CLUH: variants seen among roughly 807,000 people sequenced by gnomAD.
CLUH encodes clustered mitochondria protein homolog.
A neutral mutation model predicts 139.3 loss-of-function variants in CLUH; 77 were observed. The observed-to-expected ratio is 0.55, with a 90% CI of 0.46 to 0.67. CLUH has a LOEUF of 0.67. Ranked by LOEUF, CLUH falls within the 30% of genes least tolerant of loss-of-function variation. The pLI, the probability that CLUH is intolerant of heterozygous loss-of-function variation, is 0.00. For synonymous variants in CLUH, 999 were observed against 801.6 expected (o/e 1.25, Z -4.16); for missense variants, 1,876 against 1,875.8 (o/e 1.00, Z 0.00).
At chr17:2,701,015 C>A in intron 7 of CLUH, 125 bp downstream of exon 7, 2 of 1,521,046 alleles carry the variant, frequency 1.3e-6, no homozygotes, top group Middle Eastern at 2.2e-4. Context: ...CTCCCTAGAG[C>A]GGGGACTCCA....
At position 2,696,699 on chromosome 17, in the gene CLUH, G is replaced by T; in HGVS notation, c.2185+20C>A. 1 of 1,609,628 alleles carries T rather than the reference G, an allele frequency of 6.2e-7. No homozygotes were observed. On this transcript the variant is annotated intron_variant, in intron 11 of 25. Coordinates refer to ENST00000651024, the MANE Select transcript of CLUH (RefSeq NM_001366661.1). ...CAGGGCCAGCCCGGGCTCTCTCCCG[G>T]CCATCTGCAGCAGCCCCACCTGTGC...
In CLUH at chr17:2,695,315, C is replaced by A. The variant is rs375961547; in HGVS notation, c.2545-35G>T. 23 of 1,613,448 alleles carry A rather than the reference C, an allele frequency of 1.4e-5. No homozygotes were observed. In the African/African-American group the frequency reaches 2.9e-4, roughly 21 times the overall value. On this transcript the variant is annotated intron_variant, in intron 14 of 25. Transcript: ENST00000651024. ...TTCAGAAGGGAGGTCTTGGTCAGGC[C>A]CCCGGCCTCCATCCCAGTCCCACAG... is the stretch of plus-strand genomic sequence containing the variant.
intron 10 of CLUH, 70 bp downstream of exon 10, chr17:2,697,826 C>T (rs910159461): frequency 1.4e-5 from 20 of 1,383,560 alleles, no homozygotes; most frequent in Non-Finnish European, 1.7e-5. Flanking sequence ...GACCCAACCC[C>T]GGATCCACCC....
In CLUH at chr17:2,701,350, G is replaced by A. The variant is rs371261260; in HGVS notation, c.899+16C>T. On this transcript the variant is annotated intron_variant, in intron 6 of 25. Transcript: ENST00000651024. The stretch of plus-strand genomic sequence containing the variant: ...CTGGCACGGCAGGGGGGTGTGGTGG[G>A]CTGGCAGGGACTCACTGATTCAGGT... The A allele has an allele frequency of 3.1e-5, 49 of 1,605,204 alleles. No individual in the cohort carries two copies. The African/African-American group carries it at 6.6e-4, about 21-fold the overall frequency.
intron 1 of CLUH, chr17:2,711,305 G>T (rs2070514298): frequency 6.6e-6 from 1 of 152,276 alleles, no homozygotes; most frequent in Admixed American, 6.5e-5. Context: ...ACGTGTCCCC[G>T]CGATGAGGCG....
rs752867461 is a variant in CLUH, at chr17:2,696,821, G to A, written c.2083C>T (p.Pro695Ser). 2 of 1,613,560 alleles carry A rather than the reference G, an allele frequency of 1.2e-6. No homozygotes were observed. The highest frequency in any genetic ancestry group is 1.3e-5 in the African/African-American group (1 of 75,066). Reference sequence around the variant, plus strand: ...TCACTTCCCGCCTCCTGTCCTGGAGGATCCTCAGACTTGGACTCCAAGGAG... The same window carrying A: ...TCACTTCCCGCCTCCTGTCCTGGAGAATCCTCAGACTTGGACTCCAAGGAG... ...PSSLESKSED[P>S]PGQEAGSEEE... is the part of the protein sequence containing the mutation. The change falls in exon 11 of 26, where the codon CCT (proline) becomes TCT (serine). Residue 695 changes from proline (P) to serine (S), a missense_variant. Coordinates refer to ENST00000651024, the MANE Select transcript of CLUH (RefSeq NM_001366661.1).
rs2070298452 is a variant in CLUH at position 2,704,700 on chromosome 17, C to A, written c.101-136G>T. ...CGAGAGTCCCAGCCTCACGGTCGCG[C>A]CTCGCCCTCCGTGCACCTGCAGGCC... is the stretch of plus-strand genomic sequence containing the variant. On this transcript the variant is annotated intron_variant, in intron 1 of 25. Transcript: ENST00000651024. This position sits in a 1 kb window ranked among gnomAD's most constrained non-coding sequence, Gnocchi z 5.7. 1 of 841,580 alleles carries A rather than the reference C, an allele frequency of 1.2e-6. No homozygotes were observed. Among genetic ancestry groups the A allele is most frequent in the South Asian group, 1.8e-5 (1 of 56,628 alleles). The allele number at this position is 841,580 out of a possible 1,614,324, so 52.1% of individuals were successfully genotyped here.
Position 2,690,777 on chromosome 17 carries a change from G to A in CLUH, c.3864C>T (p.Ser1288=). 6.6e-7 allele frequency: 1 copy of A among 1,505,954 alleles called. No individual in the cohort carries two copies. Among genetic ancestry groups the A allele is most frequent in the Admixed American group, 2.4e-5 (1 of 41,866 alleles). 93.3% of individuals were successfully genotyped at this position (1,505,954 alleles called of 1,614,324 possible). The change falls in exon 26 of 26, where the codon AGC becomes AGT. Residue 1288 remains serine (S), a splice_region_variant and synonymous_variant. Coordinates refer to ENST00000651024, the MANE Select transcript of CLUH (RefSeq NM_001366661.1). ...CTTTCAGATTCTCCAGGTCTTTTTG[G>A]CTGAGGATAAGGGTGGGGATGGAGG... ...VINGILFIPL[S]QKDLENLKAE... is the part of the protein sequence containing the mutation.
rs1266728772 is a variant in CLUH, at chr17:2,692,760, G to A, written c.3312+20C>T. On this transcript the variant is annotated intron_variant, in intron 20 of 25. Transcript: ENST00000651024. ...CCCAGCCCCTCGCATCCCCCGGCGCGGGCGGCACTCGCGACTCACGTATTC... is the reference window on the plus strand; with the variant it reads ...CCCAGCCCCTCGCATCCCCCGGCGCAGGCGGCACTCGCGACTCACGTATTC... 4.4e-6 allele frequency: 7 copies of A among 1,599,748 alleles called. No individual in the cohort carries two copies. The highest frequency in any genetic ancestry group is 3.4e-5 in the Admixed American group (2 of 59,258).
Position 2,691,805 on chromosome 17 carries a change from C to T in CLUH, c.3745G>A (p.Glu1249Lys), listed in dbSNP as rs2069650390. 1 of 1,584,080 alleles carries T rather than the reference C, an allele frequency of 6.3e-7. No individual in the cohort carries two copies. Among genetic ancestry groups the T allele is most frequent in the Non-Finnish European group, 8.6e-7 (1 of 1,165,916 alleles). Reference protein sequence around the residue: ...QAVALQRTMNEIYRNGSSANI... With the variant: ...QAVALQRTMNKIYRNGSSANI... ...GCGCTGGAGCCGTTGCGGTAGATCTCGTTCATGGTGCGCTGCAGGGCCACG... is the reference window on the plus strand; with the variant it reads ...GCGCTGGAGCCGTTGCGGTAGATCTTGTTCATGGTGCGCTGCAGGGCCACG... The change falls in exon 24 of 26, where the codon GAG becomes AAG. Residue 1249 changes from glutamate to lysine, a missense_variant. Physicochemically the swap from Glu to Lys is moderately conservative, Grantham distance 56 (BLOSUM62 1). This residue lies in a region of CLUH where 1,454 missense variants were observed against 1,384.4 expected (regional missense o/e 1.05). Transcript: ENST00000651024.
At chr17:2,690,798 G>A in intron 25 of CLUH, 21 bp from the exon 26 acceptor site, 1 of 1,468,384 alleles carries the variant, frequency 6.8e-7, no homozygotes, top group Non-Finnish European at 8.9e-7. Flanking sequence ...GGGTGGGGAT[G>A]GAGGTGGCTC....
chr17:2,694,576 G>T lies in CLUH; in HGVS notation c.2853-12C>A. ...GGTCCACGGTCTCACTGAGGAGGGA[G>T]CAGGGGGCCTGAGCAGCCCAAGCAC... On this transcript the variant is annotated splice_polypyrimidine_tract_variant and intron_variant, in intron 16 of 25. Coordinates refer to ENST00000651024, the MANE Select transcript of CLUH (RefSeq NM_001366661.1). 1 of 1,565,860 alleles carries T rather than the reference G, an allele frequency of 6.4e-7. No homozygotes were observed. The highest frequency in any genetic ancestry group is 1.2e-5 in the South Asian group (1 of 85,016).
At position 2,694,837 on chromosome 17, in the gene CLUH, C is replaced by CCCCCCCA; in HGVS notation, c.2852+19_2852+20insTGGGGGG. 1 of 1,467,110 alleles carries CCCCCCCA rather than the reference C, an allele frequency of 6.8e-7. No homozygotes were observed. The highest frequency in any genetic ancestry group is 9.1e-7 in the Non-Finnish European group (1 of 1,103,722). The allele number at this position is 1,467,110 out of a possible 1,614,324, so 90.9% of individuals were successfully genotyped here. A position where few individuals can be genotyped will look rare whatever the true frequency, so the allele number is the denominator to read the frequency against. On this transcript the variant is annotated intron_variant, in intron 16 of 25. Coordinates refer to ENST00000651024, the MANE Select transcript of CLUH (RefSeq NM_001366661.1). ...ATCTGCCCAATCCCACCCACCCCAC[C>CCCCCCCA]GCCCCTGCCCCGCACGCACCACTCG...
In CLUH at chr17:2,696,191, C is replaced by T. The variant is rs953092769; in HGVS notation, c.2359G>A (p.Ala787Thr). The T allele has an allele frequency of 6.4e-7, 1 of 1,570,460 alleles. No individual in the cohort carries two copies. Among genetic ancestry groups the T allele is most frequent in the Admixed American group, 1.9e-5 (1 of 53,462 alleles). ...GGGATCTGGCAGGAGAGCAGGAAGG[C>T]AGCCGCGTCCTTCAGCAGCTGCTTC... ...DQKQLLKDAA[A>T]FLLSCQIPGL... The change falls in exon 13 of 26, where the codon GCC (alanine) becomes ACC (threonine). Residue 787 changes from alanine (A) to threonine (T), a missense_variant. This residue lies in a region of CLUH where 1,454 missense variants were observed against 1,384.4 expected (regional missense o/e 1.05). Transcript: ENST00000651024.
intron 1 of CLUH, among the ~76,000 whole-genome samples, chr17:2,709,797 C>T (rs2070456532): frequency 6.6e-6 from 1 of 152,086 alleles, no homozygotes; most frequent in Non-Finnish European, 1.5e-5. Context: ...ATTAAGGCTC[C>T]TTCCTTCTTT....
At chr17:2,699,869 A>T (rs893704279) in intron 9 of CLUH, among the ~76,000 whole-genome samples, 28 of 152,208 alleles carry the variant, frequency 1.8e-4, no homozygotes, top group African/African-American at 6.3e-4. Flanking sequence ...TGACCTTGTG[A>T]TCCGCCCGCC....
intron 16 of CLUH, 90 bp from the exon 17 acceptor site, chr17:2,694,654 G>A (rs576363111): frequency 2.6e-5 from 34 of 1,300,292 alleles, no homozygotes; most frequent in African/African-American, 2.0e-4. Flanking sequence ...TGTCCAGCCC[G>A]GGCCCCCAAC....
At position 2,696,534 on chromosome 17, in the gene CLUH, G is replaced by A. The variant is rs1309560199; in HGVS notation, c.2190C>T (p.Asp730=). The part of the protein sequence containing the change: ...ETIAADDGTA[D]PRSREVIRNA... ...TGCGGATCACCTCCCGGCTCCGAGG[G>A]TCTGCTGTGGAGACATGGCTCCATG... The change falls in exon 12 of 26, where the codon GAC becomes GAT. Residue 730 remains aspartate (D), a synonymous_variant. Transcript: ENST00000651024. The A allele has an allele frequency of 1.9e-6, 3 of 1,567,622 alleles. No individual in the cohort carries two copies. The highest frequency in any genetic ancestry group is 2.6e-6 in the Non-Finnish European group (3 of 1,160,724).
chr17:2,701,955 G>C lies in CLUH; in HGVS notation c.578C>G (p.Ser193Cys). ...GGTGAAGACACTCAGGAAGGACAAG[G>C]AGTTGCAGTCAACCCCGTTGAAGGC... ...SDAFNGVDCN[S>C]LSFLSVFTDG... The change falls in exon 4 of 26, where the codon TCC (serine) becomes TGC (cysteine). Residue 193 changes from serine to cysteine, a missense_variant. Physicochemically the swap from Ser to Cys is moderately radical, Grantham distance 112. Transcript: ENST00000651024. 1 of 1,614,004 alleles carries C rather than the reference G, an allele frequency of 6.2e-7. No homozygotes were observed. The highest frequency in any genetic ancestry group is 8.5e-7 in the Non-Finnish European group (1 of 1,179,912).
Sources: allele counts gnomAD v4.1 joint callset (sites outside exome capture counted in the v4.1 genomes callset), GRCh38; gene constraint gnomAD v4.1.1; regional missense constraint gnomAD v4.1.1; non-coding constraint Gnocchi (gnomAD v3.1); transcripts MANE v1.5; gene names NCBI Gene and HGNC (gene_info 2026-07-23, HGNC 2026-07-21).